The following DENND5A variants were observed in gnomAD, a reference collection of about 807,000 sequenced individuals.
The protein encoded by DENND5A is DENN domain containing 5A.
A neutral mutation model predicts 140.3 loss-of-function variants in DENND5A; 64 were observed. That is an observed-to-expected ratio of 0.46 (90% CI 0.37 to 0.56). DENND5A has a LOEUF of 0.56. DENND5A is among the 20% of genes least tolerant of loss of function. The pLI is 0.00. For synonymous variants in DENND5A, 605 were observed against 607.7 expected (o/e 1.00, Z 0.07); for missense variants, 1,292 against 1,593.8 (o/e 0.81, Z 3.22).
At chr11:9,212,937 G>C (rs1407374582) in intron 1 of DENND5A, among the ~76,000 whole-genome samples, 1 of 151,592 alleles carries the variant, frequency 6.6e-6, no homozygotes, top group Non-Finnish European at 1.5e-5. Context: ...GCAACCCCAA[G>C]AATTCTTATG....
At chr11:9,193,714 CA>C in intron 4 of DENND5A, 33 bp from the exon 5 acceptor site, 1 of 1,557,940 alleles carries the variant, frequency 6.4e-7, no homozygotes, top group Non-Finnish European at 8.7e-7. Flanking sequence ...AGCACACACA[CA>C]AATCAGTCAA....
At chr11:9,258,902 T>G (rs1055852488) in intron 1 of DENND5A, among the ~76,000 whole-genome samples, 4 of 152,230 alleles carry the variant, frequency 2.6e-5, no homozygotes, top group African/African-American at 9.6e-5. Flanking sequence ...ATGATTTGAC[T>G]AGTCCTCTAG....
At chr11:9,204,349 G>T in intron 3 of DENND5A, 32 bp from the exon 4 acceptor site, 1 of 1,589,372 alleles carries the variant, frequency 6.3e-7, no homozygotes, top group South Asian at 1.1e-5. Context: ...CAAGCAGTGA[G>T]AACACTCACT....
At chr11:9,216,058 C>A (rs1042643015) in intron 1 of DENND5A, among the ~76,000 whole-genome samples, 6 of 152,172 alleles carry the variant, frequency 3.9e-5, no homozygotes, top group African/African-American at 1.4e-4. Context: ...CTCCTCAATA[C>A]CAAATTTTAA....
chr11:9,206,353 G>A (rs1479109514), intron 3 of DENND5A, among the ~76,000 whole-genome samples: 3 of 152,050 alleles, frequency 2.0e-5, no homozygotes, highest in African/African-American at 4.8e-5. Flanking sequence ...TTTTAAACTA[G>A]TGAAGTTTAA....
rs116483141 is a variant in DENND5A, at chr11:9,189,019, A to C, written c.1137+4475T>G. Among the ~76,000 whole-genome samples the C allele has an allele frequency of 3.7e-3, 567 of 152,334 alleles. 4 individuals are homozygous for C. Among genetic ancestry groups the C allele is most frequent in the African/African-American group, 0.013 (541 of 41,574 alleles). On this transcript the variant is annotated intron_variant, in intron 5 of 22. Transcript: ENST00000328194. The stretch of plus-strand genomic sequence containing the variant: ...TCTTCACGGCAGCCCCTCCCTTTAC[A>C]GGCCTGGGGGCCTAGGAGGAAAAAG...
chr11:9,207,536 G>A, intron 2 of DENND5A, 25 bp downstream of exon 2: 1 of 1,570,078 alleles, frequency 6.4e-7, no homozygotes, highest in Non-Finnish European at 8.8e-7. Context: ...AGCTTTGGGT[G>A]TTCTCAATTT....
intron 1 of DENND5A, among the ~76,000 whole-genome samples, chr11:9,209,092 T>TATCA (rs1179839698): frequency 1.3e-5 from 2 of 152,360 alleles, no homozygotes; most frequent in Middle Eastern, 3.4e-3. Context: ...CACTTTCAGT[T>TATCA]ATCAGTTTGT....
intron 1 of DENND5A, among the ~76,000 whole-genome samples, chr11:9,235,380 T>G (rs551462054): frequency 3.9e-4 from 59 of 152,190 alleles, no homozygotes; most frequent in Non-Finnish European, 7.3e-4. Context: ...CCTGCTAGGC[T>G]GGGCGGGGTG....
At chr11:9,231,033 G>T (rs1172647430) in intron 1 of DENND5A, among the ~76,000 whole-genome samples, 1 of 152,048 alleles carries the variant, frequency 6.6e-6, no homozygotes, top group Non-Finnish European at 1.5e-5. Flanking sequence ...TACCTCATCA[G>T]CCTATTGAGA....
rs185745095 is a variant in DENND5A, at chr11:9,162,263, A to T, written c.2284-1398T>A. Among the ~76,000 whole-genome samples the T allele has an allele frequency of 3.5e-3, 264 of 76,376 alleles. 1 individual carries two copies. Among genetic ancestry groups the T allele is most frequent in the African/African-American group, 0.013 (250 of 19,650 alleles). 50.1% of individuals were successfully genotyped at this position (76,376 alleles called of 152,430 possible). A position where few individuals can be genotyped will look rare whatever the true frequency, so the allele number is the denominator to read the frequency against. On this transcript the variant is annotated intron_variant, in intron 11 of 22. Transcript: ENST00000328194. ...TTTTTTTTTTTTTTTTTTGAGATGGAGTTTCGCTCTTGTTGCCCAGGCTGG... is the reference window on the plus strand; with the variant it reads ...TTTTTTTTTTTTTTTTTTGAGATGGTGTTTCGCTCTTGTTGCCCAGGCTGG...
chr11:9,177,452 G>C (rs1007313851), intron 8 of DENND5A, among the ~76,000 whole-genome samples: 2 of 150,824 alleles, frequency 1.3e-5, no homozygotes, highest in African/African-American at 4.9e-5. Flanking sequence ...AAAAATTGAA[G>C]ACCAGACGGA....
At chr11:9,228,751 G>C (rs1170860733) in intron 1 of DENND5A, among the ~76,000 whole-genome samples, 1 of 151,944 alleles carries the variant, frequency 6.6e-6, no homozygotes, top group Admixed American at 6.6e-5. Flanking sequence ...ACAGGGTTCA[G>C]GGACCTTCTG....
intron 10 of DENND5A, among the ~76,000 whole-genome samples, chr11:9,168,240 C>A (rs765805736): frequency 6.6e-6 from 1 of 152,040 alleles, no homozygotes; most frequent in Non-Finnish European, 1.5e-5. Flanking sequence ...AACTGAGTCA[C>A]GGGGGTAGAT....
intron 1 of DENND5A, among the ~76,000 whole-genome samples, chr11:9,239,070 G>C (rs564333404): frequency 6.6e-6 from 1 of 151,646 alleles, no homozygotes; most frequent in African/African-American, 2.4e-5. Context: ...GACCTCAGGT[G>C]ATCTGCCCAC....
intron 1 of DENND5A, among the ~76,000 whole-genome samples, chr11:9,216,844 C>T (rs1850112801): frequency 2.0e-5 from 3 of 152,002 alleles, no homozygotes; most frequent in Admixed American, 2.0e-4. Context: ...GCATTCCAGC[C>T]TGGGTGACAG....
At chr11:9,247,084 G>C (rs1038150172) in intron 1 of DENND5A, among the ~76,000 whole-genome samples, 1 of 152,082 alleles carries the variant, frequency 6.6e-6, no homozygotes, top group Non-Finnish European at 1.5e-5. Context: ...GAAAAAATTA[G>C]CTGGGCATGG....
At chr11:9,213,816 A>AAAAAAAAAAAAAAAAAAAAAAG (rs1326114808) in intron 1 of DENND5A, among the ~76,000 whole-genome samples, 1 of 150,104 alleles carries the variant, frequency 6.7e-6, no homozygotes, top group African/African-American at 2.5e-5. Flanking sequence ...CCCAAAAAAA[A>AAAAAAAAAAAAAAAAAAAAAAG]AAGAAGAAGA....
chr11:9,191,218 T>G (rs955257771), intron 5 of DENND5A, among the ~76,000 whole-genome samples: 2 of 147,484 alleles, frequency 1.4e-5, no homozygotes, highest in African/African-American at 5.0e-5. Flanking sequence ...TTCTTTTCTG[T>G]TTTTTTTTTG....
Sources: allele counts gnomAD v4.1 joint callset (sites outside exome capture counted in the v4.1 genomes callset), GRCh38; gene constraint gnomAD v4.1.1; transcripts MANE v1.5; gene names NCBI Gene and HGNC (gene_info 2026-07-23, HGNC 2026-07-21).